The following TTC33 variants were observed in gnomAD, a reference collection of about 807,000 sequenced individuals.
The protein encoded by TTC33 is tetratricopeptide repeat protein 33.
Under a neutral mutation model 29.4 loss-of-function variants are expected in TTC33, and 24 were observed. The observed-to-expected ratio is 0.82, with a 90% CI of 0.59 to 1.15. The LOEUF is 1.15. TTC33 is among the 50% of genes most tolerant of loss of function. TTC33 has a pLI of 0.00. For missense variants in TTC33, 286 were observed against 310.4 expected (o/e 0.92, Z 0.59); for synonymous variants, 107 against 100.3 (o/e 1.07, Z -0.40).
intron 4 of TTC33, among the ~76,000 whole-genome samples, chr5:40,722,917 C>T (rs555945837): frequency 4.6e-5 from 7 of 152,062 alleles, no homozygotes; most frequent in South Asian, 2.1e-4. Context: ...TCTGCCCAGC[C>T]GCCACCCCAT....
intron 4 of TTC33, among the ~76,000 whole-genome samples, chr5:40,719,627 G>A (rs965149404): frequency 6.6e-6 from 1 of 152,142 alleles, no homozygotes; most frequent in Non-Finnish European, 1.5e-5. Context: ...CTGCCAGACT[G>A]TTTTCCAAAA....
intron 4 of TTC33, among the ~76,000 whole-genome samples, chr5:40,724,066 T>C (rs921115993): frequency 2.0e-5 from 3 of 152,198 alleles, no homozygotes; most frequent in African/African-American, 7.2e-5. Context: ...CAAAGAGATA[T>C]TAGCACTCCC....
At chr5:40,746,132 T>C (rs1742783944) in intron 2 of TTC33, among the ~76,000 whole-genome samples, 1 of 152,136 alleles carries the variant, frequency 6.6e-6, no homozygotes, top group African/African-American at 2.4e-5. Flanking sequence ...ACTAAAAAAT[T>C]TGTCTTTTCC....
chr5:40,736,550 A>G (rs1171226298), intron 2 of TTC33, among the ~76,000 whole-genome samples: 1 of 152,228 alleles, frequency 6.6e-6, no homozygotes, highest in Non-Finnish European at 1.5e-5. Flanking sequence ...GAGAAGGTAT[A>G]ACCTAGTTTG....
Position 40,715,013 on chromosome 5 carries a change from T to A in TTC33, c.*1132A>T, listed in dbSNP as rs894971403. On this transcript the variant is annotated 3_prime_UTR_variant, in exon 5 of 5. Coordinates refer to ENST00000337702, the MANE Select transcript of TTC33 (RefSeq NM_012382.3). ...TTGGTTTGTGAATATGACTGTGGAC[T>A]TTCAATAAAATTTTTTTTAATATAG... 2 of 152,078 alleles carry A rather than the reference T, an allele frequency of 1.3e-5. No individual in the cohort carries two copies. The highest frequency in any genetic ancestry group is 2.9e-5 in the Non-Finnish European group (2 of 67,956). The allele number at this position is 152,078 out of a possible 1,614,324, so 9.4% of individuals were successfully genotyped here.
At chr5:40,746,286 G>A (rs985585469) in intron 2 of TTC33, among the ~76,000 whole-genome samples, 1 of 151,980 alleles carries the variant, frequency 6.6e-6, no homozygotes, top group South Asian at 2.1e-4. Flanking sequence ...GCTAAAGAAG[G>A]GCTAAAAATA....
chr5:40,731,336 G>A (rs766344587), intron 2 of TTC33, among the ~76,000 whole-genome samples: 2 of 149,870 alleles, frequency 1.3e-5, no homozygotes, highest in Non-Finnish European at 3.0e-5. Context: ...CACATATCAT[G>A]CCTTTGTTAG....
chr5:40,732,995 G>C (rs957124414), intron 2 of TTC33, among the ~76,000 whole-genome samples: 3 of 152,058 alleles, frequency 2.0e-5, no homozygotes, highest in Admixed American at 6.5e-5. Context: ...CAAGAAAAGA[G>C]GGGACAGATG....
At chr5:40,729,890 G>C (rs576513836) in intron 3 of TTC33, among the ~76,000 whole-genome samples, 1 of 152,254 alleles carries the variant, frequency 6.6e-6, no homozygotes, top group African/African-American at 2.4e-5. Context: ...GTAGAGGCAA[G>C]GTTTCACCAT....
intron 4 of TTC33, among the ~76,000 whole-genome samples, chr5:40,717,671 A>C (rs983837512): frequency 6.6e-5 from 10 of 152,250 alleles, no homozygotes; most frequent in African/African-American, 2.4e-4. Flanking sequence ...ACTGCCCTCC[A>C]AGTGAGAATC....
intron 4 of TTC33, among the ~76,000 whole-genome samples, chr5:40,720,385 T>C (rs1346308795): frequency 1.3e-5 from 2 of 152,222 alleles, no homozygotes; most frequent in African/African-American, 4.8e-5. Context: ...CTTTCAGTTC[T>C]ATCCCACTGA....
rs552189949 is a variant in TTC33, at chr5:40,727,818, A to G, written c.435+527T>C. ...TTTTTAATATCCATGATGTCAAGTA[A>G]CTGAAAAATATTCTGATCATGATAT... is the stretch of plus-strand genomic sequence containing the variant. On this transcript the variant is annotated intron_variant, in intron 4 of 4. Coordinates refer to ENST00000337702, the MANE Select transcript of TTC33 (RefSeq NM_012382.3). Among the ~76,000 whole-genome samples the G allele has an allele frequency of 5.3e-5, 8 of 152,298 alleles. No individual in the cohort carries two copies. The South Asian group carries it at 1.7e-3, about 32-fold the overall frequency.
intron 1 of TTC33, among the ~76,000 whole-genome samples, chr5:40,750,376 C>A (rs1042818706): frequency 6.6e-6 from 1 of 151,860 alleles, no homozygotes; most frequent in East Asian, 1.9e-4. Context: ...TTGAGACCAG[C>A]GAAATCTCAT....
chr5:40,724,325 T>C (rs961308383), intron 4 of TTC33, among the ~76,000 whole-genome samples: 6 of 151,982 alleles, frequency 3.9e-5, no homozygotes, highest in African/African-American at 1.5e-4. Context: ...AACAGGCAAA[T>C]TCATAGACTC....
At chr5:40,724,706 G>GA (rs1561145223) in intron 4 of TTC33, among the ~76,000 whole-genome samples, 3 of 151,558 alleles carry the variant, frequency 2.0e-5, no homozygotes, top group African/African-American at 4.8e-5. Context: ...TATTTTTCAA[G>GA]AAAAAAACTC....
At position 40,713,312 on chromosome 5, in the gene TTC33, G is replaced by A. The variant is rs1479824532; in HGVS notation, c.*2833C>T. Among the ~76,000 whole-genome samples the A allele has an allele frequency of 6.6e-6, 1 of 152,106 alleles. No homozygotes were observed. ...TTTTCTTAGTGCTGGGAAAGGCAGT[G>A]AAACAAGCTTTTGAATCATTATGTA... On this transcript the variant is annotated 3_prime_UTR_variant, in exon 5 of 5. Coordinates refer to ENST00000337702, the MANE Select transcript of TTC33 (RefSeq NM_012382.3).
chr5:40,741,406 C>T (rs4345353), intron 2 of TTC33, among the ~76,000 whole-genome samples: 117,503 of 152,138 alleles, frequency 0.77, 45,579 homozygotes, highest in East Asian at 1. Flanking sequence ...TCTGTATGAA[C>T]GCTACGAATG....
In TTC33 at chr5:40,712,032, C is replaced by G. The variant is rs1561139636; in HGVS notation, c.*4113G>C. On this transcript the variant is annotated 3_prime_UTR_variant, in exon 5 of 5. Coordinates refer to ENST00000337702, the MANE Select transcript of TTC33 (RefSeq NM_012382.3). The stretch of plus-strand genomic sequence containing the variant: ...TTTACATTTGTCAAAACTCTCCCAA[C>G]TATAACGTTAAAATACTTGCATTTT... Among the ~76,000 whole-genome samples the G allele has an allele frequency of 6.6e-6, 1 of 152,056 alleles. No homozygotes were observed. The highest frequency in any genetic ancestry group is 2.1e-4 in the South Asian group (1 of 4,820).
At chr5:40,716,957 G>C (rs62356507) in intron 4 of TTC33, among the ~76,000 whole-genome samples, 14,120 of 152,134 alleles carry the variant, frequency 0.093, 945 homozygotes, top group Non-Finnish European at 0.14. Context: ...GGCTGGGCAC[G>C]GTGGCTCATA....
Sources: allele counts gnomAD v4.1 joint callset (sites outside exome capture counted in the v4.1 genomes callset), GRCh38; gene constraint gnomAD v4.1.1; transcripts MANE v1.5; gene names NCBI Gene and HGNC (gene_info 2026-07-23, HGNC 2026-07-21).